Variants in CSNK1G1 observed in about 807,000 individuals in gnomAD.
The protein encoded by CSNK1G1 is casein kinase 1 gamma 1.
CSNK1G1 carries 22 observed loss-of-function variants against 59.6 expected under a neutral mutation model. The observed-to-expected ratio is 0.37, with a 90% CI of 0.26 to 0.53. The LOEUF is 0.53. Among genes scored for constraint, CSNK1G1 ranks in the 20% least tolerant of loss-of-function variants. The probability of loss-of-function intolerance (pLI) is 0.89; values close to 1 mark genes in which losing one functional copy is unlikely to be tolerated. For synonymous variants in CSNK1G1, 179 were observed against 177.1 expected (o/e 1.01, Z -0.08); for missense variants, 384 against 519.5 (o/e 0.74, Z 2.54).
At chr15:64,191,926 T>C (rs761462105) in intron 10 of CSNK1G1, among the ~76,000 whole-genome samples, 1 of 152,306 alleles carries the variant, frequency 6.6e-6, no homozygotes, top group South Asian at 2.1e-4. Context: ...TGGACCGGTA[T>C]CTAGAGGATA....
At chr15:64,298,916 G>GT (rs1895168183) in intron 2 of CSNK1G1, among the ~76,000 whole-genome samples, 3 of 151,424 alleles carry the variant, frequency 2.0e-5, no homozygotes, top group Non-Finnish European at 3.0e-5. Flanking sequence ...GCACATGCCT[G>GT]TAAGTCCCAG....
Position 64,200,057 on chromosome 15 carries a change from C to A in CSNK1G1, c.1107+3025G>T, listed in dbSNP as rs1010007934. ...GTTAGGAGTTCCAGACTAGCCTGGC[C>A]AACATGGTGAAACCCCATCTCCACT... On this transcript the variant is annotated intron_variant, in intron 10 of 11. Coordinates refer to ENST00000303052, the MANE Select transcript of CSNK1G1 (RefSeq NM_022048.5). The surrounding 1 kb of genome is among the most constrained non-coding windows in gnomAD (Gnocchi z 4.3). Among the ~76,000 whole-genome samples the A allele has an allele frequency of 3.3e-5, 5 of 151,860 alleles. No homozygotes were observed. The highest frequency in any genetic ancestry group is 1.3e-4 in the Admixed American group (2 of 15,236).
At chr15:64,224,844 G>C (rs2082435969) in intron 4 of CSNK1G1, among the ~76,000 whole-genome samples, 1 of 152,070 alleles carries the variant, frequency 6.6e-6, no homozygotes, top group South Asian at 2.1e-4. Flanking sequence ...CACAGACATT[G>C]AGCTTTAACA....
At chr15:64,185,861 C>T (rs112765844) in intron 10 of CSNK1G1, among the ~76,000 whole-genome samples, 6,316 of 118,948 alleles carry the variant, frequency 0.053, 191 homozygotes, top group South Asian at 0.099. Flanking sequence ...GACTCCATCT[C>T]GAAAAAAAAA....
rs766014700 is a variant in CSNK1G1 at position 64,169,018 on chromosome 15, G to A, written c.*2913C>T. The A allele has an allele frequency of 6.6e-6, 1 of 152,534 alleles. No homozygotes were observed. Among genetic ancestry groups the A allele is most frequent in the Non-Finnish European group, 1.5e-5 (1 of 68,026 alleles). The allele number at this position is 152,534 out of a possible 1,614,324, so 9.4% of individuals were successfully genotyped here. A position where few individuals can be genotyped will look rare whatever the true frequency, so the allele number is the denominator to read the frequency against. ...TTGGAAGGTGAGAACAGTGTCTTAG[G>A]AAGTACAGTCCCCTACAACTGATCC... On this transcript the variant is annotated 3_prime_UTR_variant, in exon 12 of 12. Transcript: ENST00000303052.
intron 4 of CSNK1G1, among the ~76,000 whole-genome samples, chr15:64,229,438 G>A (rs72756946): frequency 0.044 from 6,722 of 152,232 alleles, 194 homozygotes; most frequent in South Asian, 0.085. Context: ...TCAGGAATGG[G>A]TGCCATGTCT....
intron 1 of CSNK1G1, among the ~76,000 whole-genome samples, chr15:64,334,562 A>G (rs1897277693): frequency 6.6e-6 from 1 of 152,196 alleles, no homozygotes; most frequent in South Asian, 2.1e-4. Flanking sequence ...CTGCAACTGG[A>G]TGGTCCTTTC....
At chr15:64,251,418 G>A in intron 4 of CSNK1G1, 94 bp downstream of exon 4, 1 of 827,108 alleles carries the variant, frequency 1.2e-6, no homozygotes, top group South Asian at 1.6e-5. Flanking sequence ...AGATGGTTTG[G>A]TAAAAAGGGC....
chr15:64,256,605 A>G (rs1212787623), intron 3 of CSNK1G1, among the ~76,000 whole-genome samples: 1 of 152,114 alleles, frequency 6.6e-6, no homozygotes, highest in Non-Finnish European at 1.5e-5. Flanking sequence ...AGGCAGCAAT[A>G]TTAGCAGCAC....
At chr15:64,332,347 A>C (rs1351926299) in intron 1 of CSNK1G1, among the ~76,000 whole-genome samples, 1 of 140,772 alleles carries the variant, frequency 7.1e-6, no homozygotes, top group East Asian at 2.1e-4. Flanking sequence ...TGCAGCCATA[A>C]AAAATGATGA....
At chr15:64,187,810 C>A (rs1002818962) in intron 10 of CSNK1G1, among the ~76,000 whole-genome samples, 1 of 151,982 alleles carries the variant, frequency 6.6e-6, no homozygotes, top group African/African-American at 2.4e-5. Context: ...TGTTCTAGTA[C>A]TAAACAGAAA....
chr15:64,215,270 T>C (rs1245010776), intron 5 of CSNK1G1, among the ~76,000 whole-genome samples: 22 of 134,092 alleles, frequency 1.6e-4, no homozygotes, highest in Admixed American at 9.8e-4. Context: ...TGGAGTGCAG[T>C]GGCACGATCT....
intron 3 of CSNK1G1, among the ~76,000 whole-genome samples, chr15:64,258,608 G>A (rs1212779690): frequency 1.3e-5 from 2 of 151,898 alleles, no homozygotes; most frequent in Non-Finnish European, 2.9e-5. Context: ...TTAAATATAA[G>A]ATAAAGAATT....
chr15:64,204,990 C>T (rs969381929), intron 7 of CSNK1G1, 41 bp from the exon 8 acceptor site: 17 of 1,137,200 alleles, frequency 1.5e-5, no homozygotes, highest in Middle Eastern at 1.9e-4. Flanking sequence ...AAAAGAGGGC[C>T]TAAACATGGG....
intron 11 of CSNK1G1, among the ~76,000 whole-genome samples, chr15:64,173,822 C>T (rs1255762403): frequency 2.0e-5 from 3 of 151,776 alleles, no homozygotes; most frequent in African/African-American, 7.3e-5. Flanking sequence ...CCATGTTGGC[C>T]GGGCTGGTCT....
At position 64,204,474 on chromosome 15, in the gene CSNK1G1, A is replaced by G; in HGVS notation, c.966T>C (p.Phe322=). The G allele has an allele frequency of 8.1e-6, 13 of 1,611,732 alleles. No homozygotes were observed. Among genetic ancestry groups the G allele is most frequent in the Non-Finnish European group, 1.1e-5 (13 of 1,179,282 alleles). ...TCCCAACCCAATCATAGGCATAGTC[A>G]AAGGTGTAGCCTTTCTTTTCAAAGA... ...TDLFEKKGYT[F]DYAYDWVGRP... is the part of the protein sequence containing the mutation. Residue 322 remains phenylalanine, a synonymous_variant, in exon 9 of 12, where the codon TTT becomes TTC. Coordinates refer to ENST00000303052, the MANE Select transcript of CSNK1G1 (RefSeq NM_022048.5).
At chr15:64,284,134 T>C (rs185155091) in intron 2 of CSNK1G1, among the ~76,000 whole-genome samples, 193 of 152,356 alleles carry the variant, frequency 1.3e-3, no homozygotes, top group Non-Finnish European at 1.9e-3. Context: ...ACCTGTCAAG[T>C]GCAATTGACT....
intron 3 of CSNK1G1, among the ~76,000 whole-genome samples, chr15:64,258,224 C>G (rs1163122533): frequency 6.6e-6 from 1 of 151,850 alleles, no homozygotes; most frequent in African/African-American, 2.4e-5. Context: ...ACAAAAAATA[C>G]AAAATTAGCC....
At position 64,255,121 on chromosome 15, in the gene CSNK1G1, G is replaced by C. The variant is rs141651171; in HGVS notation, c.223-3540C>G. Among the ~76,000 whole-genome samples the C allele has an allele frequency of 3.1e-3, 472 of 152,076 alleles. 1 individual carries two copies. Among genetic ancestry groups the C allele is most frequent in the African/African-American group, 0.011 (457 of 41,462 alleles). ...AGATGGAATCTTACTCTGTCACCCAGGCTGGAGTGCAATGGCACAATCTCA... is the reference window on the plus strand; with the variant it reads ...AGATGGAATCTTACTCTGTCACCCACGCTGGAGTGCAATGGCACAATCTCA... On this transcript the variant is annotated intron_variant, in intron 3 of 11. Transcript: ENST00000303052.
Sources: allele counts gnomAD v4.1 joint callset (sites outside exome capture counted in the v4.1 genomes callset), GRCh38; gene constraint gnomAD v4.1.1; non-coding constraint Gnocchi (gnomAD v3.1); transcripts MANE v1.5; gene names NCBI Gene and HGNC (gene_info 2026-07-23, HGNC 2026-07-21).